ADAMTSL1: variants seen among roughly 807,000 people sequenced by gnomAD.
ADAMTSL1 encodes ADAMTS-like protein 1.
In ADAMTSL1, 126 loss-of-function variants were observed where a neutral mutation model predicts 201.8. That is an observed-to-expected ratio of 0.62 (90% CI 0.54 to 0.72). The LOEUF is 0.72. ADAMTSL1 is among the 30% of genes least tolerant of loss of function. The pLI is 0.00. For synonymous variants in ADAMTSL1, 1,121 were observed against 903.4 expected (o/e 1.24, Z -4.32); for missense variants, 2,679 against 2,277.8 (o/e 1.18, Z -3.59).
At chr9:18,231,608 T>C (rs964955857) in intron 2 of ADAMTSL1, among the ~76,000 whole-genome samples, 2 of 152,194 alleles carry the variant, frequency 1.3e-5, no homozygotes, top group Non-Finnish European at 2.9e-5. Context: ...TGGCTATATG[T>C]GATCAGCACA....
intron 9 of ADAMTSL1, among the ~76,000 whole-genome samples, chr9:18,666,621 G>A (rs1829450983): frequency 1.3e-5 from 2 of 152,220 alleles, no homozygotes; most frequent in Admixed American, 1.3e-4. Flanking sequence ...CATGGTATAA[G>A]CAAAGCTTCT....
chr9:18,889,781 C>A, intron 25 of ADAMTSL1, 33 bp downstream of exon 25: 1 of 1,429,904 alleles, frequency 7.0e-7, no homozygotes, highest in Non-Finnish European at 9.1e-7. Context: ...CAGACCTCCC[C>A]ACCCTAGGAG....
chr9:18,154,401 A>G (rs78289302), intron 1 of ADAMTSL1, among the ~76,000 whole-genome samples: 5,746 of 152,108 alleles, frequency 0.038, 141 homozygotes, highest in Non-Finnish European at 0.054. Context: ...GTTCAGTCAT[A>G]TATCTGGTGG....
intron 4 of ADAMTSL1, 120 bp from the exon 5 acceptor site, chr9:18,622,123 C>T (rs1307499675): frequency 1.4e-5 from 18 of 1,288,972 alleles, no homozygotes; most frequent in Non-Finnish European, 1.8e-5. Flanking sequence ...GTCCCCTTCA[C>T]GGGGTATGTT....
chr9:18,438,909 C>A (rs1434289973), intron 2 of ADAMTSL1, among the ~76,000 whole-genome samples: 3 of 152,180 alleles, frequency 2.0e-5, no homozygotes, highest in Non-Finnish European at 4.4e-5. Flanking sequence ...CGATTCACAC[C>A]GGCTTAGCTC....
At chr9:18,125,202 C>G (rs550213677) in intron 1 of ADAMTSL1, among the ~76,000 whole-genome samples, 1 of 152,224 alleles carries the variant, frequency 6.6e-6, no homozygotes, top group South Asian at 2.1e-4. Context: ...AGGAGCAAGT[C>G]GCCTCTTACA....
intron 1 of ADAMTSL1, among the ~76,000 whole-genome samples, chr9:17,978,588 C>T (rs965616965): frequency 6.6e-6 from 1 of 151,650 alleles, no homozygotes; most frequent in Non-Finnish European, 1.5e-5. Flanking sequence ...TCTCCCTCCA[C>T]ATTTTATGTT....
intron 4 of ADAMTSL1, among the ~76,000 whole-genome samples, chr9:18,605,671 G>GTAC (rs759653758): frequency 3.9e-5 from 6 of 152,088 alleles, no homozygotes; most frequent in African/African-American, 4.8e-5. Context: ...CATCACCCCG[G>GTAC]TACTATAATC....
intron 2 of ADAMTSL1, among the ~76,000 whole-genome samples, chr9:18,236,655 T>G (rs140220141): frequency 6.6e-6 from 1 of 152,352 alleles, no homozygotes; most frequent in African/African-American, 2.4e-5. Context: ...TTAAATTCAG[T>G]ATCTATTGAT....
intron 5 of ADAMTSL1, among the ~76,000 whole-genome samples, chr9:18,629,484 T>A (rs184437865): frequency 6.6e-6 from 1 of 152,312 alleles, no homozygotes; most frequent in Non-Finnish European, 1.5e-5. Context: ...AATTCTCTTT[T>A]ACCTCAACTG....
Position 18,722,486 on chromosome 9 carries a change from G to A in ADAMTSL1, c.2006+821G>A, listed in dbSNP as rs117600715. Among the ~76,000 whole-genome samples the A allele has an allele frequency of 8.1e-3, 1,231 of 152,336 alleles. 6 individuals are homozygous for A. Among genetic ancestry groups the A allele is most frequent in the South Asian group, 0.015 (73 of 4,828 alleles). ...TAGTTTTTCTCTTTCTGCAAAGTGT[G>A]TCATGTAAGAAGTAGTTAATACCTG... On this transcript the variant is annotated intron_variant, in intron 15 of 28. Coordinates refer to ENST00000380548, the MANE Select transcript of ADAMTSL1 (RefSeq NM_001040272.6).
At chr9:18,039,035 T>C (rs1440473710) in intron 1 of ADAMTSL1, among the ~76,000 whole-genome samples, 1 of 152,170 alleles carries the variant, frequency 6.6e-6, no homozygotes, top group Non-Finnish European at 1.5e-5. Context: ...CTAACCCAGA[T>C]ATATATGAAA....
At chr9:18,164,147 A>G (rs759720334) in intron 2 of ADAMTSL1, among the ~76,000 whole-genome samples, 1 of 151,832 alleles carries the variant, frequency 6.6e-6, no homozygotes, top group African/African-American at 2.4e-5. Flanking sequence ...CAGACTGTAT[A>G]GGGCAACTTT....
intron 4 of ADAMTSL1, among the ~76,000 whole-genome samples, chr9:18,583,234 C>G (rs1297270621): frequency 6.6e-6 from 1 of 152,178 alleles, no homozygotes; most frequent in Non-Finnish European, 1.5e-5. Context: ...TGTGTGCACC[C>G]TAGGGACTTG....
Position 18,906,931 on chromosome 9 carries a change from G to A in ADAMTSL1, c.5182+19G>A, listed in dbSNP as rs759268098. Reference sequence around the variant, plus strand: ...GAAAACAGTATGTTCCAACCCCAAAGAACCTTCTGCAAATTCCCCATAGAG... The same window carrying A: ...GAAAACAGTATGTTCCAACCCCAAAAAACCTTCTGCAAATTCCCCATAGAG... On this transcript the variant is annotated intron_variant, in intron 28 of 28. Transcript: ENST00000380548. 4.3e-6 allele frequency: 7 copies of A among 1,613,392 alleles called. No homozygotes were observed. The highest frequency in any genetic ancestry group is 5.9e-6 in the Non-Finnish European group (7 of 1,179,648).
intron 7 of ADAMTSL1, among the ~76,000 whole-genome samples, chr9:18,652,365 C>CAAAAAAAAAAAAAAAAAACAAAAA (rs34900718): frequency 1.1e-5 from 1 of 94,962 alleles, no homozygotes; most frequent in Non-Finnish European, 2.1e-5. Flanking sequence ...AACTCCATCT[C>CAAAAAAAAAAAAAAAAAACAAAAA]AAAAAAAAAA....
At chr9:18,234,991 C>T (rs1332062185) in intron 2 of ADAMTSL1, among the ~76,000 whole-genome samples, 2 of 152,194 alleles carry the variant, frequency 1.3e-5, no homozygotes, top group Non-Finnish European at 2.9e-5. Flanking sequence ...TGATTAGCAT[C>T]TTCCAATACT....
At chr9:18,533,182 G>C in intron 2 of ADAMTSL1, 65 bp from the exon 3 acceptor site, 1 of 1,438,152 alleles carries the variant, frequency 7.0e-7, no homozygotes, top group South Asian at 1.2e-5. Flanking sequence ...ATTTTTATAA[G>C]AAAATATTTC....
At chr9:18,144,395 A>T (rs970427256) in intron 1 of ADAMTSL1, among the ~76,000 whole-genome samples, 4 of 151,860 alleles carry the variant, frequency 2.6e-5, no homozygotes, top group African/African-American at 9.7e-5. Flanking sequence ...TAGTAGAGAC[A>T]GGGTTTCACC....
Sources: gnomAD v4.1 joint callset for allele counts (sites outside exome capture counted in the v4.1 genomes callset) on GRCh38, gnomAD v4.1.1 for gene constraint, MANE v1.5 for transcripts, NCBI Gene and HGNC (gene_info 2026-07-23, HGNC 2026-07-21) for gene names.